BMP2K: variants seen among roughly 807,000 people sequenced by gnomAD.
BMP2K encodes the protein BMP2 inducible kinase.
In BMP2K, 74 loss-of-function variants were observed where a neutral mutation model predicts 116.0. The observed-to-expected ratio is 0.64, with a 90% CI of 0.53 to 0.77. BMP2K has a LOEUF of 0.77. Among genes scored for constraint, BMP2K ranks in the 30% least tolerant of loss-of-function variants. The pLI, the probability that BMP2K is intolerant of heterozygous loss-of-function variation, is 0.00. For synonymous variants in BMP2K, 486 were observed against 502.5 expected (o/e 0.97, Z 0.44); for missense variants, 1,365 against 1,403.6 (o/e 0.97, Z 0.44).
At chr4:78,895,841 A>C (rs1033526656) in intron 15 of BMP2K, among the ~76,000 whole-genome samples, 40 of 152,108 alleles carry the variant, frequency 2.6e-4, no homozygotes, top group Admixed American at 2.4e-3. Flanking sequence ...GGTTCACTGC[A>C]ACCTTGAACT....
intron 15 of BMP2K, among the ~76,000 whole-genome samples, chr4:78,907,815 A>G (rs1734363097): frequency 6.6e-6 from 1 of 152,144 alleles, no homozygotes; most frequent in South Asian, 2.1e-4. Flanking sequence ...ACTTTGGGCA[A>G]CATTGGAATG....
intron 10 of BMP2K, 150 bp downstream of exon 10, chr4:78,865,870 G>C (rs1182358474): frequency 2.6e-6 from 2 of 763,068 alleles, no homozygotes; most frequent in South Asian, 2.2e-5. Context: ...AATAAATTCA[G>C]TTGGTTTCTC....
intron 1 of BMP2K, among the ~76,000 whole-genome samples, chr4:78,778,445 A>G (rs1362745345): frequency 6.6e-6 from 1 of 152,268 alleles, no homozygotes; most frequent in Non-Finnish European, 1.5e-5. Context: ...GACTTTTGCC[A>G]TAAATGTATC....
At chr4:78,813,605 G>T (rs1472286724) in intron 1 of BMP2K, among the ~76,000 whole-genome samples, 2 of 151,994 alleles carry the variant, frequency 1.3e-5, no homozygotes, top group Non-Finnish European at 2.9e-5. Context: ...CCTGCCTTAG[G>T]GCCTTTGCAC....
At chr4:78,779,615 A>G (rs1223875882) in intron 1 of BMP2K, among the ~76,000 whole-genome samples, 1 of 152,268 alleles carries the variant, frequency 6.6e-6, no homozygotes, top group African/African-American at 2.4e-5. Context: ...TTTTGGGGAT[A>G]CAAATAAATG....
At chr4:78,868,001 A>C (rs960154577) in intron 10 of BMP2K, among the ~76,000 whole-genome samples, 8 of 152,246 alleles carry the variant, frequency 5.3e-5, no homozygotes, top group Non-Finnish European at 1.0e-4. Context: ...TGGAGGTTGC[A>C]GTAAGCCAAG....
intron 1 of BMP2K, among the ~76,000 whole-genome samples, chr4:78,821,375 G>GA (rs370952838): frequency 0.016 from 2,470 of 151,868 alleles, 66 homozygotes; most frequent in African/African-American, 0.056. Flanking sequence ...CAGTTTCCCA[G>GA]AAAAAAAACA....
intron 1 of BMP2K, among the ~76,000 whole-genome samples, chr4:78,817,051 C>T (rs1392629827): frequency 3.9e-5 from 6 of 152,100 alleles, no homozygotes. Flanking sequence ...TTTTGAGGAC[C>T]ATTTGGCTTC....
At chr4:78,875,531 C>T (rs984786298) in intron 13 of BMP2K, among the ~76,000 whole-genome samples, 1 of 152,054 alleles carries the variant, frequency 6.6e-6, no homozygotes, top group Non-Finnish European at 1.5e-5. Flanking sequence ...TATAATTGCC[C>T]TGTTATATTA....
intron 10 of BMP2K, among the ~76,000 whole-genome samples, chr4:78,866,971 G>T (rs1035941940): frequency 6.6e-6 from 1 of 152,050 alleles, no homozygotes; most frequent in Non-Finnish European, 1.5e-5. Context: ...CAGCACTTTG[G>T]GGGGCCAAGG....
At chr4:78,867,283 A>T (rs1577941202) in intron 10 of BMP2K, among the ~76,000 whole-genome samples, 1 of 152,174 alleles carries the variant, frequency 6.6e-6, no homozygotes, top group Non-Finnish European at 1.5e-5. Flanking sequence ...GTAGCTAAAG[A>T]TGTTGAGGCA....
Position 78,833,562 on chromosome 4 carries a change from A to ATT in BMP2K, c.298-10_298-9dup. 7.6e-5 allele frequency: 91 copies of ATT among 1,198,464 alleles called. No homozygotes were observed. Among genetic ancestry groups the ATT allele is most frequent in the Admixed American group, 1.7e-4 (7 of 40,698 alleles). 74.2% of individuals were successfully genotyped at this position (1,198,464 alleles called of 1,614,324 possible). On this transcript the variant is annotated intron_variant, in intron 2 of 15. Coordinates refer to ENST00000502613, the MANE Select transcript of BMP2K (RefSeq NM_198892.2). ...TTTAAATGTACATTTTCCAGTTTTC[A>ATT]TTTTTTTTTTTCTTTCCAGAAAGAG...
chr4:78,871,879 G>A lies in BMP2K; in HGVS notation c.1539G>A (p.Met513Ile), dbSNP rs771921933. 3 of 1,612,958 alleles carry A rather than the reference G, an allele frequency of 1.9e-6. No individual in the cohort carries two copies. The East Asian group carries it at 6.7e-5, about 36-fold the overall frequency. ...QYQHATQQQQMLQQQFLMHSV... is the reference protein window; with the variant it reads ...QYQHATQQQQILQQQFLMHSV... ...AACATGCAACACAGCAGCAACAGAT[G>A]CTTCAACAACAATTTTTAATGCATT... Residue 513 changes from methionine to isoleucine, a missense_variant, in exon 12 of 16, where the codon ATG becomes ATA. Met to Ile is a conservative substitution (Grantham distance 10, BLOSUM62 1). Around this residue, in one of 3 missense-constraint regions of BMP2K, gnomAD observed 762 missense variants for 756.7 expected, o/e 1.01. Transcript: ENST00000502613.
chr4:78,910,458 T>A (rs1734526543), intron 15 of BMP2K, among the ~76,000 whole-genome samples, 152 bp from the exon 16 acceptor site: 1 of 152,182 alleles, frequency 6.6e-6, no homozygotes, highest in Admixed American at 6.5e-5. Context: ...ATTCTCTAAG[T>A]CTAATGACGA....
At chr4:78,883,455 G>T (rs142328920) in intron 14 of BMP2K, among the ~76,000 whole-genome samples, 77 of 152,130 alleles carry the variant, frequency 5.1e-4, no homozygotes, top group Admixed American at 7.2e-4. Flanking sequence ...TCTGTGTTTT[G>T]TGGAACAATA....
chr4:78,876,621 A>T (rs529698276), intron 13 of BMP2K, among the ~76,000 whole-genome samples: 4 of 152,298 alleles, frequency 2.6e-5, no homozygotes, highest in African/African-American at 9.6e-5. Context: ...CTCAACGGTT[A>T]GGTAAATTTA....
intron 9 of BMP2K, among the ~76,000 whole-genome samples, chr4:78,865,121 C>T (rs1021142607): frequency 6.6e-6 from 1 of 152,108 alleles, no homozygotes; most frequent in Non-Finnish European, 1.5e-5. Flanking sequence ...AGGCCACAGT[C>T]TTTTCTTTTT....
intron 1 of BMP2K, among the ~76,000 whole-genome samples, chr4:78,785,304 C>A (rs1413148193): frequency 2.0e-5 from 3 of 151,876 alleles, no homozygotes; most frequent in Admixed American, 2.0e-4. Flanking sequence ...AGAGACAGGG[C>A]TTCACCGTGT....
chr4:78,797,864 A>C (rs1470238803), intron 1 of BMP2K, among the ~76,000 whole-genome samples: 4 of 152,154 alleles, frequency 2.6e-5, no homozygotes, highest in Admixed American at 2.6e-4. Context: ...TCTGTTGCCT[A>C]GGCTGGAGTG....
Sources: allele counts gnomAD v4.1 joint callset (sites outside exome capture counted in the v4.1 genomes callset), GRCh38; gene constraint gnomAD v4.1.1; regional missense constraint gnomAD v4.1.1; transcripts MANE v1.5; gene names NCBI Gene and HGNC (gene_info 2026-07-23, HGNC 2026-07-21).